Variants in ADA2 observed in about 807,000 individuals in gnomAD.
ADA2 encodes the protein adenosine deaminase 2, also known as adenosine deaminase CECR1.
A neutral mutation model predicts 44.2 loss-of-function variants in ADA2; 29 were observed. That is an observed-to-expected ratio of 0.66 (90% CI 0.49 to 0.89). The LOEUF (loss-of-function observed/expected upper bound fraction) is 0.89, where lower values mean the gene tolerates loss of function less well. ADA2 is among the 40% of genes least tolerant of loss of function. The pLI is 0.00. For synonymous variants in ADA2, 215 were observed against 234.9 expected (o/e 0.92, Z 0.77); for missense variants, 637 against 644.8 (o/e 0.99, Z 0.13).
chr22:17,212,156 C>G (rs759838975), intron 1 of ADA2, among the ~76,000 whole-genome samples: 9 of 151,936 alleles, frequency 5.9e-5, no homozygotes, highest in Non-Finnish European at 1.3e-4. Context: ...TCCAGACTAG[C>G]TGGGATTACA....
chr22:17,193,044 A>C (rs1279250539), intron 4 of ADA2: 5 of 728,194 alleles, frequency 6.9e-6, no homozygotes, highest in African/African-American at 1.8e-5. Flanking sequence ...GGTTCATAGA[A>C]GGTTCAAGGG....
In ADA2 at chr22:17,181,891, CTCATAGAAA is replaced by C. The variant is rs1452477558; in HGVS notation, c.1362_1370del (p.Asp454_Tyr456del). 6 of 1,614,126 alleles carry C rather than the reference CTCATAGAAA, an allele frequency of 3.7e-6. No individual in the cohort carries two copies. Among genetic ancestry groups the C allele is most frequent in the Non-Finnish European group, 5.1e-6 (6 of 1,179,994 alleles). The stretch of plus-strand genomic sequence containing the variant: ...TCATCCCCCCAATGCCCATGAAGAC[CTCATAGAAA>C]TCATAGGACAAGCCTTTGGCACCAA... On this transcript the variant is annotated inframe_deletion, in exon 9 of 10. Transcript: ENST00000399837.
rs143138564 is a variant in ADA2 at position 17,207,187 on chromosome 22, C to A, written c.426G>T (p.Gly142=). 30 of 1,614,196 alleles carry A rather than the reference C, an allele frequency of 1.9e-5. No individual in the cohort carries two copies. The Admixed American group carries it at 4.5e-4, about 24-fold the overall frequency. The change falls in exon 3 of 10, where the codon GGG becomes GGT. Residue 142 remains glycine (G), a synonymous_variant. Transcript: ENST00000399837. The part of the protein sequence containing the change: ...PHCHICFTPR[G]IMQFRFAHPT... ...GGTGAGCAAATCTGAACTGCATGAT[C>A]CCCCTTGGGGTGAAACAGATGTGGC...
At chr22:17,210,347 C>T (rs150127733) in intron 1 of ADA2, among the ~76,000 whole-genome samples, 2,067 of 151,360 alleles carry the variant, frequency 0.014, 53 homozygotes, top group African/African-American at 0.048. Flanking sequence ...TGCATCACCA[C>T]GCCCGGCTAA....
intron 7 of ADA2, 42 bp from the exon 8 acceptor site, chr22:17,182,803 C>G (rs1555884220): frequency 6.5e-7 from 1 of 1,540,026 alleles, no homozygotes; most frequent in Non-Finnish European, 8.9e-7. Context: ...ATGGATGGGT[C>G]TGGTCTTCCA....
At chr22:17,221,707 C>T (rs548116787), upstream of ADA2, 3 of 152,370 alleles carry the variant, frequency 2.0e-5, no homozygotes, top group South Asian at 6.2e-4. Flanking sequence ...GAAGCAGAGA[C>T]AAGAGCTGGG....
At chr22:17,214,815 G>T (rs1601468537) in intron 1 of ADA2, among the ~76,000 whole-genome samples, 1 of 152,228 alleles carries the variant, frequency 6.6e-6, no homozygotes, top group Non-Finnish European at 1.5e-5. Context: ...TACTCCTAAT[G>T]GGTATTGCCA....
At chr22:17,199,749 G>A in intron 4 of ADA2, 1 of 1,469,930 alleles carries the variant, frequency 6.8e-7, no homozygotes, top group Non-Finnish European at 9.0e-7. Flanking sequence ...CCTTCATCAA[G>A]CTCTTTGACC....
At chr22:17,187,324 C>T (rs2062047347) in intron 7 of ADA2, among the ~76,000 whole-genome samples, 1 of 151,920 alleles carries the variant, frequency 6.6e-6, no homozygotes, top group South Asian at 2.1e-4. Flanking sequence ...CTGGCTAAAA[C>T]ACTTTTTTTT....
At chr22:17,196,970 C>G (rs2062198907) in intron 4 of ADA2, among the ~76,000 whole-genome samples, 1 of 152,102 alleles carries the variant, frequency 6.6e-6, no homozygotes, top group Admixed American at 6.6e-5. Flanking sequence ...GTCAGGAGTT[C>G]AAGAGCAGCC....
Position 17,188,386 on chromosome 22 carries a change from G to A in ADA2, c.1034C>T (p.Ala345Val), listed in dbSNP as rs1269582712. The A allele has an allele frequency of 1.2e-6, 2 of 1,614,130 alleles. No homozygotes were observed. The highest frequency in any genetic ancestry group is 1.7e-6 in the Non-Finnish European group (2 of 1,179,980). Residue 345 changes from alanine to valine, a missense_variant, in exon 7 of 10, where the codon GCC (alanine) becomes GTC (valine). Transcript: ENST00000399837. ...HDYKEALMIP[A>V]KDGVKLPYFF... ...GTAAGGCAGCTTAACGCCATCCTTG[G>A]CGGGGATCATCAGAGCTTCCTTGTA...
chr22:17,199,442 C>CCCCTCCCACCCCTCCTCAATCCTCTTA, intron 4 of ADA2: 1 of 1,022,722 alleles, frequency 9.8e-7, no homozygotes. Flanking sequence ...CTATCCTCTT[C>CCCCTCCCACCCCTCCTCAATCCTCTTA]CCCTCCACCC....
intron 7 of ADA2, among the ~76,000 whole-genome samples, chr22:17,187,857 C>G (rs965441511): frequency 1.1e-4 from 17 of 151,938 alleles, no homozygotes; most frequent in Non-Finnish European, 1.5e-5. Context: ...GTAATTCCAG[C>G]ACTTTGGGAG....
In ADA2 at chr22:17,182,773, G is replaced by T. The variant is rs1386104189; in HGVS notation, c.1082-12C>A. The T allele has an allele frequency of 5.6e-6, 9 of 1,612,598 alleles. No individual in the cohort carries two copies. The highest frequency in any genetic ancestry group is 4.0e-5 in the African/African-American group (3 of 74,878). ...AGTACCCTGCCAGTCTGAACACACG[G>T]GAATGGTCTTCCATGGGGGATGGAT... is the stretch of plus-strand genomic sequence containing the variant. On this transcript the variant is annotated splice_polypyrimidine_tract_variant and intron_variant, in intron 7 of 9. Coordinates refer to ENST00000399837, the MANE Select transcript of ADA2 (RefSeq NM_001282225.2).
intron 5 of ADA2, among the ~76,000 whole-genome samples, chr22:17,190,794 G>C (rs761958886): frequency 6.6e-6 from 1 of 152,226 alleles, no homozygotes; most frequent in Non-Finnish European, 1.5e-5. Flanking sequence ...TGGCACCAGG[G>C]AGCCTCTGAG....
intron 1 of ADA2, among the ~76,000 whole-genome samples, chr22:17,216,786 A>ACG (rs2062478184): frequency 4.7e-5 from 6 of 128,634 alleles, no homozygotes; most frequent in Admixed American, 1.6e-4. Context: ...ACACACACAC[A>ACG]CACATATATA....
At chr22:17,189,438 C>G (rs1281814888) in intron 6 of ADA2, among the ~76,000 whole-genome samples, 1 of 152,126 alleles carries the variant, frequency 6.6e-6, no homozygotes, top group Non-Finnish European at 1.5e-5. Context: ...TGTGGCCAGG[C>G]ATGATGGCTG....
intron 6 of ADA2, 75 bp from the exon 7 acceptor site, chr22:17,188,522 G>C (rs1453599827): frequency 3.3e-6 from 3 of 903,172 alleles, no homozygotes; most frequent in Admixed American, 2.0e-5. Flanking sequence ...CCTGGAGCCT[G>C]TGCACACCCT....
At chr22:17,192,847 G>A (rs568787918) in intron 4 of ADA2, 35 of 385,044 alleles carry the variant, frequency 9.1e-5, no homozygotes, top group African/African-American at 6.5e-4. Context: ...AAAAGGGGGG[G>A]CCCTCTCTCT....
Sources: allele counts gnomAD v4.1 joint callset (sites outside exome capture counted in the v4.1 genomes callset), GRCh38; gene constraint gnomAD v4.1.1; transcripts MANE v1.5; gene names NCBI Gene and HGNC (gene_info 2026-07-23, HGNC 2026-07-21).